SDHAF2: variants seen among roughly 807,000 people sequenced by gnomAD.
SDHAF2 encodes the protein succinate dehydrogenase complex assembly factor 2.
In SDHAF2, 21 loss-of-function variants were observed where a neutral mutation model predicts 18.5. The observed-to-expected ratio is 1.13, with a 90% CI of 0.80 to 1.63. The LOEUF is 1.63. Ranked by LOEUF, SDHAF2 falls within the 40% of genes most tolerant of loss-of-function variation. The probability of loss-of-function intolerance (pLI) is 0.00; values close to 1 mark genes in which losing one functional copy is unlikely to be tolerated. For synonymous variants in SDHAF2, 84 were observed against 70.7 expected, an observed-to-expected ratio of 1.19 and a Z score of -0.94; for missense variants, 195 against 200.3, an observed-to-expected ratio of 0.97 and a Z score of 0.16.
intron 1 of SDHAF2, chr11:61,437,097 T>G: frequency 9.1e-7 from 1 of 1,094,846 alleles, no homozygotes; most frequent in Non-Finnish European, 1.1e-6. Context: ...GTTTTAATTC[T>G]AATTGCAGTT....
At chr11:61,432,188 C>G (rs1324346205) in intron 1 of SDHAF2, 2 of 152,108 alleles carry the variant, frequency 1.3e-5, no homozygotes, top group African/African-American at 4.8e-5. Flanking sequence ...GAAGTCAAGG[C>G]TGCGGTGAGC....
chr11:61,438,303 G>T (rs752727587), intron 3 of SDHAF2, 190 bp downstream of exon 3: 18 of 634,422 alleles, frequency 2.8e-5, no homozygotes, highest in Non-Finnish European at 8.4e-6. Context: ...AGGTTCAAGC[G>T]ATTCTCCAGC....
At chr11:61,443,848 A>G (rs1021442331) in intron 3 of SDHAF2, among the ~76,000 whole-genome samples, 1 of 151,566 alleles carries the variant, frequency 6.6e-6, no homozygotes, top group Non-Finnish European at 1.5e-5. Flanking sequence ...ATATCGGCTC[A>G]CTGCAAGCTC....
intron 3 of SDHAF2, among the ~76,000 whole-genome samples, chr11:61,441,557 A>G (rs1034866480): frequency 2.0e-5 from 3 of 151,938 alleles, no homozygotes; most frequent in Admixed American, 6.6e-5. Flanking sequence ...CAACAAGTAC[A>G]TACTCAGTAC....
intron 3 of SDHAF2, among the ~76,000 whole-genome samples, chr11:61,443,581 C>T (rs1374211990): frequency 6.6e-6 from 1 of 152,158 alleles, no homozygotes; most frequent in East Asian, 1.9e-4. Flanking sequence ...GTTGTTTTTG[C>T]TTTGGTTACC....
chr11:61,430,205 C>A (rs747744362), intron 1 of SDHAF2, 23 bp downstream of exon 1: 1 of 1,614,064 alleles, frequency 6.2e-7, no homozygotes, highest in Admixed American at 1.7e-5. Flanking sequence ...AACGTTCTAG[C>A]GTCCGGGGCG....
At chr11:61,442,154 A>G (rs975920761) in intron 3 of SDHAF2, among the ~76,000 whole-genome samples, 16 of 152,110 alleles carry the variant, frequency 1.1e-4, no homozygotes, top group Non-Finnish European at 2.2e-4. Context: ...CGGCCTCCCA[A>G]AGTGCTGGGA....
At chr11:61,439,033 G>A (rs1862033209) in intron 3 of SDHAF2, among the ~76,000 whole-genome samples, 1 of 151,322 alleles carries the variant, frequency 6.6e-6, no homozygotes, top group Non-Finnish European at 1.5e-5. Context: ...AAAAGAGTGA[G>A]ACTATGTCTC....
intron 1 of SDHAF2, 106 bp downstream of exon 1, chr11:61,430,288 G>A: frequency 2.1e-6 from 3 of 1,450,114 alleles, no homozygotes; most frequent in Non-Finnish European, 2.9e-6. Context: ...GCCCGATAGC[G>A]CAGGGCAAGG....
chr11:61,437,909 G>A, intron 2 of SDHAF2, 61 bp downstream of exon 2: 4 of 1,560,106 alleles, frequency 2.6e-6, no homozygotes, highest in Non-Finnish European at 3.5e-6. Context: ...AGTAGGTTCA[G>A]AGAGACTCCC....
chr11:61,440,514 T>A (rs1296544697), intron 3 of SDHAF2, among the ~76,000 whole-genome samples: 1 of 152,008 alleles, frequency 6.6e-6, no homozygotes, highest in East Asian at 1.9e-4. Flanking sequence ...GTCAGGAGAA[T>A]CGCTTAAACC....
chr11:61,436,699 C>A, intron 1 of SDHAF2: 2 of 394,210 alleles, frequency 5.1e-6, no homozygotes, highest in South Asian at 3.7e-5. Flanking sequence ...GGATTCGATG[C>A]AGCTGGTTTT....
chr11:61,441,413 T>C (rs7933882), intron 3 of SDHAF2, among the ~76,000 whole-genome samples: 109,179 of 151,128 alleles, frequency 0.72, 43,091 homozygotes, highest in East Asian at 0.97. Context: ...CTCAGCTACT[T>C]GGGAGGCTGG....
chr11:61,432,164 G>A (rs1489532623), intron 1 of SDHAF2: 3 of 152,108 alleles, frequency 2.0e-5, no homozygotes, highest in Non-Finnish European at 2.9e-5. Context: ...AGGCTGAGGC[G>A]GGAGTGCGTC....
chr11:61,441,513 T>A, intron 3 of SDHAF2, among the ~76,000 whole-genome samples: 1 of 137,180 alleles, frequency 7.3e-6, no homozygotes, highest in Non-Finnish European at 1.5e-5. Context: ...AGAGCGAGGC[T>A]CCATCTCAAA....
chr11:61,434,591 C>CTTTTTTTTTTTTTTT lies in SDHAF2; in HGVS notation c.37-3029_37-3015dup, dbSNP rs549764688. 1.2e-3 allele frequency: 147 copies of CTTTTTTTTTTTTTTT among 118,900 alleles called. 7 individuals carry two copies. Among genetic ancestry groups the CTTTTTTTTTTTTTTT allele is most frequent in the African/African-American group, 5.3e-3 (140 of 26,510 alleles). 7.4% of individuals were successfully genotyped at this position (118,900 alleles called of 1,614,324 possible). ...AGGCTTTCTTCACTCCTTCTCATTC[C>CTTTTTTTTTTTTTTT]TTTTTTTTTTTTTTTTTTTAGAAAA... On this transcript the variant is annotated intron_variant, in intron 1 of 3. Coordinates refer to ENST00000301761, the MANE Select transcript of SDHAF2 (RefSeq NM_017841.4).
chr11:61,435,677 C>G (rs1434915295), intron 1 of SDHAF2: 2 of 152,168 alleles, frequency 1.3e-5, no homozygotes, highest in Non-Finnish European at 2.9e-5. Context: ...CTTGCTCCCT[C>G]TAGTGTCTGC....
intron 3 of SDHAF2, among the ~76,000 whole-genome samples, chr11:61,439,062 T>C (rs1425451143): frequency 1.3e-5 from 2 of 152,064 alleles, no homozygotes; most frequent in African/African-American, 4.8e-5. Flanking sequence ...AAAAGTTTCA[T>C]TCAGGCACTA....
At chr11:61,438,455 TC>T (rs1391767377) in intron 3 of SDHAF2, 3 of 356,162 alleles carry the variant, frequency 8.4e-6, no homozygotes, top group African/African-American at 6.3e-5. Flanking sequence ...CGCCTCGGCC[TC>T]CCAAAATCCT....
Sources: gnomAD v4.1 joint callset for allele counts (sites outside exome capture counted in the v4.1 genomes callset) on GRCh38, gnomAD v4.1.1 for gene constraint, MANE v1.5 for transcripts, NCBI Gene and HGNC (gene_info 2026-07-23, HGNC 2026-07-21) for gene names.